Variants in DPYD observed in about 807,000 individuals in gnomAD.
DPYD encodes dihydropyrimidine dehydrogenase, also known as dihydropyrimidine dehydrogenase [NADP(+)].
In DPYD, 109 loss-of-function variants were observed where a neutral mutation model predicts 116.2. The observed-to-expected ratio is 0.94, with a 90% confidence interval of 0.80 to 1.10. DPYD has a LOEUF of 1.10. Among genes scored for constraint, DPYD ranks in the 50% least tolerant of loss-of-function variants. The probability of loss-of-function intolerance (pLI) is 0.00; values close to 1 mark genes in which losing one functional copy is unlikely to be tolerated. For missense variants in DPYD, 1,302 were observed against 1,254.5 expected, an observed-to-expected ratio of 1.04 and a Z score of -0.57; for synonymous variants, 440 against 432.0, an observed-to-expected ratio of 1.02 and a Z score of -0.23.
intron 14 of DPYD, among the ~76,000 whole-genome samples, chr1:97,423,965 G>C (rs1674727143): frequency 6.6e-6 from 1 of 152,004 alleles, no homozygotes; most frequent in Admixed American, 6.6e-5. Flanking sequence ...AATAGACCTA[G>C]TCCTCCTGAT....
rs545251628 is a variant in DPYD at position 97,218,391 on chromosome 1, A to G, written c.2442+16461T>C. Among the ~76,000 whole-genome samples, 20 of 152,164 alleles carry G rather than the reference A, an allele frequency of 1.3e-4. No homozygotes were observed. In the East Asian group the frequency reaches 2.7e-3, roughly 21 times the overall value. On this transcript the variant is annotated intron_variant, in intron 19 of 22. Coordinates refer to ENST00000370192, the MANE Select transcript of DPYD (RefSeq NM_000110.4). ...CTTGGTATTAGGTATATACAGGTATAAGGTAGAGCAATTCAGCTTTAATTT... is the reference window on the plus strand; with the variant it reads ...CTTGGTATTAGGTATATACAGGTATGAGGTAGAGCAATTCAGCTTTAATTT...
At chr1:97,574,158 G>A (rs1054904447) in intron 10 of DPYD, among the ~76,000 whole-genome samples, 188 bp from the exon 11 acceptor site, 6 of 152,090 alleles carry the variant, frequency 3.9e-5, no homozygotes, top group African/African-American at 1.4e-4. Flanking sequence ...AGGGAGTCTT[G>A]AATTGGAGTT....
rs757940841 is a variant in DPYD, at chr1:97,549,695, TTCTGGGAGACCCCA to T, written c.1375_1388del (p.Trp459SerfsTer9). ...TAGTTTGCATAGTTTCTGGATCTAC[TTCTGGGAGACCCCA>T]TCTGTTAAATTTTATAGGGCTCAAG... is the stretch of plus-strand genomic sequence containing the variant. On this transcript the variant is annotated frameshift_variant, in exon 12 of 23. Coordinates refer to ENST00000370192, the MANE Select transcript of DPYD (RefSeq NM_000110.4). LOFTEE classifies it high-confidence loss of function. 6.8e-6 allele frequency: 11 copies of T among 1,613,772 alleles called. No homozygotes were observed. In the South Asian group the frequency reaches 1.1e-4, roughly 16 times the overall value.
chr1:97,746,251 T>C (rs1194565252), intron 3 of DPYD, among the ~76,000 whole-genome samples: 1 of 152,168 alleles, frequency 6.6e-6, no homozygotes, highest in Non-Finnish European at 1.5e-5. Context: ...CTAATTCATA[T>C]GCTATTATTA....
intron 20 of DPYD, among the ~76,000 whole-genome samples, chr1:97,187,340 A>G (rs562931041): frequency 2.0e-5 from 3 of 152,170 alleles, no homozygotes; most frequent in Non-Finnish European, 2.9e-5. Flanking sequence ...GTGATGTTGA[A>G]CAGTTTTTTA....
intron 8 of DPYD, among the ~76,000 whole-genome samples, chr1:97,628,140 G>A (rs1367503605): frequency 6.6e-6 from 1 of 152,006 alleles, no homozygotes; most frequent in African/African-American, 2.4e-5. Flanking sequence ...CCACTTTCAT[G>A]GACCAAATCC....
chr1:97,668,506 A>T (rs550849074), intron 8 of DPYD, among the ~76,000 whole-genome samples: 1 of 152,240 alleles, frequency 6.6e-6, no homozygotes, highest in South Asian at 2.1e-4. Context: ...AAATGCATTA[A>T]TTACTTTTCT....
intron 3 of DPYD, among the ~76,000 whole-genome samples, chr1:97,740,919 C>G (rs1473028208): frequency 2.0e-5 from 3 of 152,018 alleles, no homozygotes; most frequent in Admixed American, 6.6e-5. Context: ...TCCTTTCTTC[C>G]ACTCTTCCTT....
rs192587708 is a variant in DPYD at position 97,594,739 on chromosome 1, A to G, written c.958+320T>C. The stretch of plus-strand genomic sequence containing the variant: ...TACAAATCATATAAGATATGTGACG[A>G]TTCATGCCATTTCTTTGAAAAACAT... On this transcript the variant is annotated intron_variant, in intron 9 of 22. Coordinates refer to ENST00000370192, the MANE Select transcript of DPYD (RefSeq NM_000110.4). Among the ~76,000 whole-genome samples, 412 of 152,230 alleles carry G rather than the reference A, an allele frequency of 2.7e-3. 2 individuals carry two copies. The highest frequency in any genetic ancestry group is 9.3e-3 in the African/African-American group (388 of 41,552).
chr1:97,823,554 C>T (rs1488806745), intron 3 of DPYD, among the ~76,000 whole-genome samples: 2 of 152,154 alleles, frequency 1.3e-5, no homozygotes, highest in African/African-American at 4.8e-5. Context: ...ATGAGATGAA[C>T]GTCTTTAAAT....
intron 19 of DPYD, among the ~76,000 whole-genome samples, chr1:97,194,574 G>A (rs1036155262): frequency 2.6e-5 from 4 of 151,878 alleles, no homozygotes; most frequent in East Asian, 3.9e-4. Context: ...GCGCGATCTC[G>A]GCTCACTGTG....
chr1:97,883,871 C>T, intron 1 of DPYD: 1 of 458,374 alleles, frequency 2.2e-6, no homozygotes, highest in South Asian at 1.7e-5. Flanking sequence ...GAAGAATGAC[C>T]CCAAATTTGC....
chr1:97,349,090 A>T (rs1670001171), intron 16 of DPYD, among the ~76,000 whole-genome samples: 1 of 152,168 alleles, frequency 6.6e-6, no homozygotes, highest in Non-Finnish European at 1.5e-5. Flanking sequence ...CTGGCTGTAG[A>T]ATTTCAGCCA....
chr1:97,478,840 T>G (rs933838748), intron 13 of DPYD, among the ~76,000 whole-genome samples: 1 of 152,236 alleles, frequency 6.6e-6, no homozygotes, highest in Non-Finnish European at 1.5e-5. Flanking sequence ...TGGATCGGGA[T>G]AGCTCACTGC....
chr1:97,231,731 A>C (rs1200290893), intron 19 of DPYD, among the ~76,000 whole-genome samples: 1 of 152,196 alleles, frequency 6.6e-6, no homozygotes, highest in Non-Finnish European at 1.5e-5. Flanking sequence ...CAATAAAAAA[A>C]AATATTTAAA....
chr1:97,724,291 T>G (rs1663084374), intron 4 of DPYD, among the ~76,000 whole-genome samples: 1 of 334 alleles, frequency 3.0e-3, no homozygotes, highest in Non-Finnish European at 0.018. Context: ...ATAGGATGTA[T>G]GTGGGGGGGG....
intron 3 of DPYD, among the ~76,000 whole-genome samples, chr1:97,781,445 AC>A (rs750351389): frequency 2.0e-4 from 31 of 152,212 alleles, no homozygotes; most frequent in South Asian, 6.2e-4. Flanking sequence ...TCCATTGAGC[AC>A]CTACTGTATA....
At chr1:97,436,196 TG>T (rs1320127885) in intron 14 of DPYD, among the ~76,000 whole-genome samples, 1 of 151,982 alleles carries the variant, frequency 6.6e-6, no homozygotes, top group East Asian at 1.9e-4. Flanking sequence ...CAACACTGAT[TG>T]TTATGAAATA....
chr1:97,476,625 T>A (rs1677976399), intron 13 of DPYD, among the ~76,000 whole-genome samples: 1 of 152,168 alleles, frequency 6.6e-6, no homozygotes, highest in African/African-American at 2.4e-5. Flanking sequence ...CAAAATGTAC[T>A]TTTTGAACTA....
Sources: allele counts gnomAD v4.1 joint callset (sites outside exome capture counted in the v4.1 genomes callset), GRCh38; gene constraint gnomAD v4.1.1; transcripts MANE v1.5; gene names NCBI Gene and HGNC (gene_info 2026-07-23, HGNC 2026-07-21).